The following CACNA1A variants were observed in gnomAD, a reference collection of about 807,000 sequenced individuals.
CACNA1A encodes the protein calcium voltage-gated channel subunit alpha1 A, also known as voltage-dependent P/Q-type calcium channel subunit alpha-1A.
A neutral mutation model predicts 262.4 loss-of-function variants in CACNA1A; 57 were observed. That is an observed-to-expected ratio of 0.22 (90% CI 0.18 to 0.27). CACNA1A has a LOEUF of 0.27. CACNA1A is among the 10% of genes least tolerant of loss of function. The pLI is 1.00. For synonymous variants in CACNA1A, 1,431 were observed against 1,419.3 expected, an observed-to-expected ratio of 1.01 and a Z score of -0.18; for missense variants, 2,526 against 3,562.8, an observed-to-expected ratio of 0.71 and a Z score of 7.41.
intron 6 of CACNA1A, among the ~76,000 whole-genome samples, chr19:13,339,440 G>C (rs1568550409): frequency 6.6e-6 from 1 of 152,142 alleles, no homozygotes; most frequent in Non-Finnish European, 1.5e-5. Context: ...AAGTTTGGGA[G>C]ATGGATGGTG....
At chr19:13,256,939 G>A (rs1375116823) in intron 28 of CACNA1A, 2 of 161,712 alleles carry the variant, frequency 1.2e-5, no homozygotes, top group African/African-American at 4.8e-5. Context: ...CAAGCCTGAA[G>A]AACTGAACCT....
intron 24 of CACNA1A, among the ~76,000 whole-genome samples, chr19:13,263,713 G>A (rs530486325): frequency 2.0e-4 from 30 of 152,090 alleles, no homozygotes; most frequent in African/African-American, 7.0e-4. Flanking sequence ...TAGAGATGGG[G>A]CTTCACCATG....
At chr19:13,219,874 C>T (rs1298476385) in intron 38 of CACNA1A, among the ~76,000 whole-genome samples, 19 of 149,644 alleles carry the variant, frequency 1.3e-4, no homozygotes, top group Non-Finnish European at 1.8e-4. Context: ...CACTTGAACC[C>T]GGGAGATGGA....
chr19:13,303,447 T>TGCCCCCACCCCCACCCCC (rs2057830437), intron 17 of CACNA1A, 99 bp downstream of exon 17: 1 of 223,014 alleles, frequency 4.5e-6, no homozygotes, highest in Non-Finnish European at 9.0e-6. Flanking sequence ...CCTGTTCCCA[T>TGCCCCCACCCCCACCCCC]GCCCCCACCC....
intron 3 of CACNA1A, among the ~76,000 whole-genome samples, chr19:13,443,518 T>TA (rs2060760950): frequency 6.6e-6 from 1 of 151,798 alleles, no homozygotes; most frequent in Non-Finnish European, 1.5e-5. Context: ...ACTGAAAAAA[T>TA]AAACTTTTTA....
At chr19:13,381,984 G>C (rs1208578595) in intron 3 of CACNA1A, among the ~76,000 whole-genome samples, 1 of 152,178 alleles carries the variant, frequency 6.6e-6, no homozygotes, top group Non-Finnish European at 1.5e-5. Flanking sequence ...GATCTCTCTA[G>C]GGGGCAAGGC....
intron 38 of CACNA1A, 151 bp downstream of exon 38, chr19:13,224,516 C>T (rs1427708288): frequency 3.3e-6 from 2 of 615,108 alleles, no homozygotes; most frequent in Admixed American, 5.9e-5. Flanking sequence ...CACCAAAACC[C>T]CAAACCCCAA....
intron 23 of CACNA1A, among the ~76,000 whole-genome samples, chr19:13,276,788 C>T (rs558676925): frequency 1.3e-5 from 2 of 149,396 alleles, no homozygotes; most frequent in South Asian, 2.1e-4. Flanking sequence ...GCCTCCACAT[C>T]GGCTCATTGC....
intron 19 of CACNA1A, among the ~76,000 whole-genome samples, chr19:13,287,838 T>G (rs551943547): frequency 1.3e-3 from 192 of 149,600 alleles, no homozygotes; most frequent in African/African-American, 4.5e-3. Flanking sequence ...GGTCTTACTC[T>G]GTTGCCCAGG....
intron 3 of CACNA1A, among the ~76,000 whole-genome samples, chr19:13,384,769 G>A (rs2059581076): frequency 6.6e-6 from 1 of 152,124 alleles, no homozygotes; most frequent in South Asian, 2.1e-4. Flanking sequence ...AGAAAGGAGA[G>A]GTCACTGGTC....
Position 13,298,940 on chromosome 19 carries a change from C to T in CACNA1A, c.2693G>A (p.Gly898Asp), listed in dbSNP as rs1381564031. ...CCGGGCGTGGTGGTCCGACTCGCGGCCGTAGGGTCCCTCCCGGCTCAGCTC... is the reference window on the plus strand; with the variant it reads ...CCGGGCGTGGTGGTCCGACTCGCGGTCGTAGGGTCCCTCCCGGCTCAGCTC... The part of the protein sequence containing the change: ...EAELSREGPY[G>D]RESDHHAREG... Residue 898 changes from glycine to aspartate, a missense_variant, in exon 19 of 47, where the codon GGC becomes GAC. Around this residue, in one of 17 missense-constraint regions of CACNA1A, gnomAD observed 765 missense variants for 748.6 expected, o/e 1.02. Coordinates refer to ENST00000360228, the MANE Select transcript of CACNA1A (RefSeq NM_001127222.2). 6.3e-7 allele frequency: 1 copy of T among 1,592,838 alleles called. No homozygotes were observed. Among genetic ancestry groups the T allele is most frequent in the South Asian group, 1.1e-5 (1 of 90,092 alleles).
chr19:13,225,192 G>C (rs1444463196), intron 37 of CACNA1A: 2 of 170,986 alleles, frequency 1.2e-5, no homozygotes, highest in African/African-American at 4.8e-5. Context: ...AGCCGCTGGT[G>C]GGGGGTGCCA....
intron 3 of CACNA1A, among the ~76,000 whole-genome samples, chr19:13,443,997 G>A (rs956222749): frequency 1.3e-5 from 2 of 152,114 alleles, no homozygotes; most frequent in African/African-American, 4.8e-5. Flanking sequence ...TAAGAATAAC[G>A]ACCATGGCAG....
chr19:13,373,293 G>A (rs914518923), intron 3 of CACNA1A, among the ~76,000 whole-genome samples: 8 of 152,334 alleles, frequency 5.3e-5, no homozygotes, highest in South Asian at 2.1e-4. Context: ...GAGTAGCTGG[G>A]ATTACAGGTG....
At chr19:13,326,000 C>T (rs956604364) in intron 10 of CACNA1A, among the ~76,000 whole-genome samples, 16 of 152,074 alleles carry the variant, frequency 1.1e-4, no homozygotes, top group Admixed American at 2.0e-4. Flanking sequence ...ATCTCTTGAA[C>T]GTATTCCTGC....
intron 1 of CACNA1A, among the ~76,000 whole-genome samples, chr19:13,463,316 T>C (rs2061160797): frequency 6.6e-6 from 1 of 152,164 alleles, no homozygotes; most frequent in Non-Finnish European, 1.5e-5. Context: ...GAATTATTCA[T>C]GACTATTTCA....
chr19:13,382,617 T>G (rs1478725232), intron 3 of CACNA1A, among the ~76,000 whole-genome samples: 2 of 152,058 alleles, frequency 1.3e-5, no homozygotes, highest in African/African-American at 4.8e-5. Context: ...ATGTAAGGTT[T>G]TGGAGCAGGA....
rs76143985 is a variant in CACNA1A at position 13,415,178 on chromosome 19, G to A, written c.539+37698C>T. Among the ~76,000 whole-genome samples, 3,108 of 152,016 alleles carry A rather than the reference G, an allele frequency of 0.02. 147 individuals carry two copies. In the East Asian group the frequency reaches 0.21, roughly 10 times the overall value. On this transcript the variant is annotated intron_variant, in intron 3 of 46. Transcript: ENST00000360228. ...AGAGTAGGAATCAGGGCAGGATTTG[G>A]GGGATGGAAGATCCTGTCTTCCTCC...
intron 28 of CACNA1A, 153 bp downstream of exon 28, chr19:13,257,197 T>C (rs896265984): frequency 6.5e-6 from 4 of 616,988 alleles, no homozygotes; most frequent in Non-Finnish European, 1.2e-5. Context: ...GGAAACTCCA[T>C]GAAGGGCTGC....
Sources: gnomAD v4.1 joint callset for allele counts (sites outside exome capture counted in the v4.1 genomes callset) on GRCh38, gnomAD v4.1.1 for gene constraint, gnomAD v4.1.1 regional missense constraint, MANE v1.5 for transcripts, NCBI Gene and HGNC (gene_info 2026-07-23, HGNC 2026-07-21) for gene names.